Variants in IMPG2 observed in about 807,000 individuals in gnomAD.
IMPG2 encodes interphotoreceptor matrix proteoglycan 2, also known as IPM 200.
A neutral mutation model predicts 129.2 loss-of-function variants in IMPG2; 91 were observed. The observed-to-expected ratio is 0.70, with a 90% CI of 0.59 to 0.84. The LOEUF (loss-of-function observed/expected upper bound fraction) is 0.84. Among genes scored for constraint, IMPG2 ranks in the 40% least tolerant of loss-of-function variants. IMPG2 has a pLI of 0.00. For missense variants in IMPG2, 1,430 were observed against 1,461.7 expected (o/e 0.98, Z 0.35); for synonymous variants, 510 against 517.7 (o/e 0.99, Z 0.20).
At chr3:101,270,121 G>A (rs1223736697) in intron 7 of IMPG2, among the ~76,000 whole-genome samples, 1 of 151,770 alleles carries the variant, frequency 6.6e-6, no homozygotes, top group African/African-American at 2.4e-5. Flanking sequence ...ATTTTTACTA[G>A]AGGCGGGGTT....
chr3:101,315,908 G>C (rs1246317245), intron 2 of IMPG2, among the ~76,000 whole-genome samples: 1 of 151,862 alleles, frequency 6.6e-6, no homozygotes, highest in African/African-American at 2.4e-5. Context: ...CAGTAAATAA[G>C]ACACTATGGT....
Position 101,243,856 on chromosome 3 carries a change from G to A in IMPG2, c.2475C>T (p.Thr825=), listed in dbSNP as rs747603219. 1.2e-6 allele frequency: 2 copies of A among 1,614,146 alleles called. No homozygotes were observed. The highest frequency in any genetic ancestry group is 1.1e-5 in the South Asian group (1 of 91,080). The change falls in exon 13 of 19, where the codon ACC becomes ACT. Residue 825 remains threonine (T), a synonymous_variant. Coordinates refer to ENST00000193391, the MANE Select transcript of IMPG2 (RefSeq NM_016247.4). The part of the protein sequence containing the change: ...STKLPPTTIS[T]LLEDEVIMGV... ...CCATAATTACTTCATCCTCTAGCAG[G>A]GTGGAGATTGTGGTTGGAGGCAATT...
intron 6 of IMPG2, 87 bp from the exon 7 acceptor site, chr3:101,273,829 T>C (rs1289008326): frequency 7.7e-7 from 1 of 1,294,354 alleles, no homozygotes; most frequent in Non-Finnish European, 1.1e-6. Context: ...GTGTCAGAAC[T>C]GTGCTAAAGG....
intron 14 of IMPG2, among the ~76,000 whole-genome samples, chr3:101,240,003 C>T (rs1233965668): frequency 1.3e-5 from 2 of 151,928 alleles, no homozygotes; most frequent in Admixed American, 1.3e-4. Flanking sequence ...ACCACCATGG[C>T]ACACGTATAC....
chr3:101,252,657 T>C (rs2107228881), intron 11 of IMPG2, among the ~76,000 whole-genome samples: 1 of 152,312 alleles, frequency 6.6e-6, no homozygotes, highest in East Asian at 1.9e-4. Context: ...ATGTACTCTC[T>C]GTAAATCTCT....
At chr3:101,281,967 C>T (rs536237384) in intron 4 of IMPG2, among the ~76,000 whole-genome samples, 1 of 152,254 alleles carries the variant, frequency 6.6e-6, no homozygotes, top group African/African-American at 2.4e-5. Context: ...GGCTTTTGAA[C>T]TGCAGAACTA....
At chr3:101,230,882 T>G in intron 16 of IMPG2, 75 bp downstream of exon 16, 1 of 1,343,342 alleles carries the variant, frequency 7.4e-7, no homozygotes, top group Non-Finnish European at 1.1e-6. Flanking sequence ...GTCCAATATT[T>G]GGCACCTGGT....
chr3:101,244,090 C>G lies in IMPG2; in HGVS notation c.2241G>C (p.Met747Ile), dbSNP rs201394380. Reference sequence around the variant, plus strand: ...AGTTGGATGACTCAGTAATTTGTTCCATATCCTCCCTTAGGATGGCATCTG... The same window carrying G: ...AGTTGGATGACTCAGTAATTTGTTCGATATCCTCCCTTAGGATGGCATCTG... Reference protein sequence around the residue: ...DQADAILREDMEQITESSNYE... With the variant: ...DQADAILREDIEQITESSNYE... Residue 747 changes from methionine to isoleucine, a missense_variant, in exon 13 of 19, where the codon ATG (methionine) becomes ATC (isoleucine). By Grantham distance (10) the Met-to-Ile change is conservative. Coordinates refer to ENST00000193391, the MANE Select transcript of IMPG2 (RefSeq NM_016247.4). 1.4e-5 allele frequency: 23 copies of G among 1,614,014 alleles called. No homozygotes were observed. The African/African-American group carries it at 2.8e-4, about 20-fold the overall frequency.
intron 14 of IMPG2, among the ~76,000 whole-genome samples, chr3:101,233,682 A>G (rs1255273409): frequency 2.6e-5 from 4 of 152,224 alleles, no homozygotes; most frequent in African/African-American, 7.2e-5. Context: ...GTCAAAAAAG[A>G]TATGACATTG....
chr3:101,271,128 T>C (rs1283822672), intron 7 of IMPG2, among the ~76,000 whole-genome samples: 1 of 151,886 alleles, frequency 6.6e-6, no homozygotes, highest in Non-Finnish European at 1.5e-5. Flanking sequence ...AAAACTGTTA[T>C]AATTCTTGTA....
At chr3:101,279,984 G>A (rs538301387) in intron 4 of IMPG2, among the ~76,000 whole-genome samples, 75 of 152,302 alleles carry the variant, frequency 4.9e-4, no homozygotes, top group Non-Finnish European at 7.8e-4. Flanking sequence ...CCTTTAAAAT[G>A]TCACTCACCA....
chr3:101,296,423 C>A (rs1055948368), intron 3 of IMPG2, among the ~76,000 whole-genome samples: 1 of 152,194 alleles, frequency 6.6e-6, no homozygotes, highest in South Asian at 2.1e-4. Context: ...CCAGTTTGAT[C>A]GTGCTAGATA....
At chr3:101,230,121 T>A (rs1706270218) in intron 16 of IMPG2, among the ~76,000 whole-genome samples, 1 of 152,160 alleles carries the variant, frequency 6.6e-6, no homozygotes, top group Admixed American at 6.5e-5. Flanking sequence ...GAGGTTACAG[T>A]CTAATGAAAA....
Position 101,257,689 on chromosome 3 carries a change from G to C in IMPG2, c.993C>G (p.Asn331Lys). Residue 331 changes from asparagine to lysine, a missense_variant, in exon 10 of 19, where the codon AAC (asparagine) becomes AAG (lysine). By Grantham distance (94) the Asn-to-Lys change is moderately conservative (BLOSUM62 0). Coordinates refer to ENST00000193391, the MANE Select transcript of IMPG2 (RefSeq NM_016247.4). ...TTWDLISLHS[N>K]KVENHGLVEL... Reference sequence around the variant, plus strand: ...CCACAAGGCCATGGTTTTCCACCTTGTTGGAGTGAAGGCTAATGAGGTCCC... The same window carrying C: ...CCACAAGGCCATGGTTTTCCACCTTCTTGGAGTGAAGGCTAATGAGGTCCC... 6.2e-7 allele frequency: 1 copy of C among 1,613,432 alleles called. No individual in the cohort carries two copies. The highest frequency in any genetic ancestry group is 8.5e-7 in the Non-Finnish European group (1 of 1,179,576).
chr3:101,230,491 T>C lies in IMPG2; in HGVS notation c.3422+466A>G, dbSNP rs147640293. Among the ~76,000 whole-genome samples, 393 of 152,350 alleles carry C rather than the reference T, an allele frequency of 2.6e-3. 1 individual carries two copies. Among genetic ancestry groups the C allele is most frequent in the South Asian group, 0.014 (68 of 4,826 alleles). On this transcript the variant is annotated intron_variant, in intron 16 of 18. Transcript: ENST00000193391. ...CCTGAAGGGAAATTCACCTCTTCTA[T>C]CTCATCTCCAACATTGCTTCTCCAA...
chr3:101,284,313 T>TA (rs768958283), intron 4 of IMPG2, among the ~76,000 whole-genome samples: 14 of 152,180 alleles, frequency 9.2e-5, no homozygotes, highest in Non-Finnish European at 1.3e-4. Flanking sequence ...AGTTTATAGA[T>TA]AAAAAACATT....
Position 101,227,675 on chromosome 3 carries a change from G to T in IMPG2, c.3714-694C>A, listed in dbSNP as rs79494603. ...GGATTCTCTGGTTTAAAAGGCAGAC[G>T]CCTGGTGATATTGCTCTGGCTGCAT... On this transcript the variant is annotated intron_variant, in intron 18 of 18. Coordinates refer to ENST00000193391, the MANE Select transcript of IMPG2 (RefSeq NM_016247.4). The T allele has an allele frequency of 1.3e-4, 50 of 395,684 alleles. 1 individual carries two copies. Among genetic ancestry groups the T allele is most frequent in the South Asian group, 7.9e-4 (43 of 54,438 alleles). 24.5% of individuals were successfully genotyped at this position (395,684 alleles called of 1,614,324 possible).
chr3:101,285,286 G>A (rs1157345468), intron 4 of IMPG2, among the ~76,000 whole-genome samples: 4 of 152,096 alleles, frequency 2.6e-5, no homozygotes, highest in African/African-American at 7.2e-5. Flanking sequence ...GCACCAAAAG[G>A]ATAATGCTGC....
intron 4 of IMPG2, among the ~76,000 whole-genome samples, chr3:101,288,180 GAA>G (rs1404351688): frequency 9.2e-5 from 14 of 152,092 alleles, no homozygotes; most frequent in African/African-American, 3.1e-4. Flanking sequence ...AAACTACAAT[GAA>G]ATACCATCTC....
Sources: gnomAD v4.1 joint callset for allele counts (sites outside exome capture counted in the v4.1 genomes callset) on GRCh38, gnomAD v4.1.1 for gene constraint, MANE v1.5 for transcripts, NCBI Gene and HGNC (gene_info 2026-07-23, HGNC 2026-07-21) for gene names.